SLC1A2: variants seen among roughly 807,000 people sequenced by gnomAD.
SLC1A2 encodes the protein excitatory amino acid transporter 2.
A neutral mutation model predicts 48.8 loss-of-function variants in SLC1A2; 15 were observed. That is an observed-to-expected ratio of 0.31 (90% CI 0.21 to 0.47). The LOEUF is 0.47. Among genes scored for constraint, SLC1A2 ranks in the 20% least tolerant of loss-of-function variants. The pLI is 0.99. For missense variants in SLC1A2, 502 were observed against 730.5 expected, an observed-to-expected ratio of 0.69 and a Z score of 3.61; for synonymous variants, 279 against 272.6, an observed-to-expected ratio of 1.02 and a Z score of -0.23.
At chr11:35,310,974 T>G (rs1468635716) in intron 4 of SLC1A2, among the ~76,000 whole-genome samples, 1 of 152,214 alleles carries the variant, frequency 6.6e-6, no homozygotes, top group Non-Finnish European at 1.5e-5. Context: ...CAAAACTCCT[T>G]GTCCTGACAA....
At chr11:35,337,119 T>C (rs546945469) in intron 1 of SLC1A2, among the ~76,000 whole-genome samples, 1 of 152,256 alleles carries the variant, frequency 6.6e-6, no homozygotes, top group South Asian at 2.1e-4. Context: ...AGCTGCTGGT[T>C]AACCAAAATC....
chr11:35,364,758 A>G (rs745353137), intron 1 of SLC1A2, among the ~76,000 whole-genome samples: 9 of 152,212 alleles, frequency 5.9e-5, no homozygotes, highest in Non-Finnish European at 1.3e-4. Context: ...TGCACTCAAT[A>G]CAAGTTAGCT....
chr11:35,252,988 A>T lies in SLC1A2; in HGVS notation c.*7906T>A, dbSNP rs896595846. 6.6e-6 allele frequency: 1 copy of T among 152,404 alleles called. No individual in the cohort carries two copies. Among genetic ancestry groups the T allele is most frequent in the African/African-American group, 2.4e-5 (1 of 41,468 alleles). 9.4% of individuals were successfully genotyped at this position (152,404 alleles called of 1,614,324 possible). On this transcript the variant is annotated 3_prime_UTR_variant, in exon 11 of 11. Coordinates refer to ENST00000278379, the MANE Select transcript of SLC1A2 (RefSeq NM_004171.4). ...TGTTTAATGAAGAGCAGGTTCAAATACATACCAATACACTTTCTATGTAAC... is the reference window on the plus strand; with the variant it reads ...TGTTTAATGAAGAGCAGGTTCAAATTCATACCAATACACTTTCTATGTAAC...
At chr11:35,387,006 G>A (rs1854603338) in intron 1 of SLC1A2, among the ~76,000 whole-genome samples, 1 of 152,014 alleles carries the variant, frequency 6.6e-6, no homozygotes, top group Admixed American at 6.6e-5. Context: ...CTAGAATCAA[G>A]CAATCCTCTT....
intron 1 of SLC1A2, among the ~76,000 whole-genome samples, chr11:35,396,765 T>C (rs1235427858): frequency 6.6e-6 from 1 of 152,220 alleles, no homozygotes; most frequent in Non-Finnish European, 1.5e-5. Flanking sequence ...GCCTATGTCC[T>C]GAATGGTAAA....
At chr11:35,270,144 A>G (rs1396893179) in intron 9 of SLC1A2, among the ~76,000 whole-genome samples, 2 of 152,198 alleles carry the variant, frequency 1.3e-5, no homozygotes, top group East Asian at 3.8e-4. Context: ...TGAATTTTTA[A>G]AAAACAATAA....
At chr11:35,419,705 T>C (rs1444364760), upstream of SLC1A2, 2 of 172,408 alleles carry the variant, frequency 1.2e-5, no homozygotes, top group Admixed American at 6.4e-5. This position sits in a 1 kb window ranked among gnomAD's most constrained non-coding sequence, Gnocchi z 5.4. Context: ...CGGGAAGGCT[T>C]GGGCAGCCGG....
At chr11:35,395,532 C>T (rs1462816304) in intron 1 of SLC1A2, among the ~76,000 whole-genome samples, 1 of 152,012 alleles carries the variant, frequency 6.6e-6, no homozygotes, top group Admixed American at 6.5e-5. Context: ...GTGACAAACA[C>T]AGGTAAAGCA....
chr11:35,356,262 C>T (rs1406757775), intron 1 of SLC1A2, among the ~76,000 whole-genome samples: 1 of 152,164 alleles, frequency 6.6e-6, no homozygotes, highest in African/African-American at 2.4e-5. Flanking sequence ...TATAATCGAC[C>T]CATACAATAT....
At chr11:35,316,309 C>G (rs1393573932) in intron 2 of SLC1A2, 2 of 152,186 alleles carry the variant, frequency 1.3e-5, no homozygotes, top group Non-Finnish European at 2.9e-5. Context: ...GATGGAGTTC[C>G]AGGAATGCAG....
intron 1 of SLC1A2, among the ~76,000 whole-genome samples, chr11:35,366,687 C>T (rs1404360333): frequency 2.6e-5 from 4 of 152,070 alleles, no homozygotes; most frequent in African/African-American, 7.2e-5. Flanking sequence ...AGTTTGAAGC[C>T]GTGTTGTAAA....
intron 1 of SLC1A2, among the ~76,000 whole-genome samples, chr11:35,338,207 G>A (rs115404351): frequency 0.026 from 3,884 of 152,238 alleles, 155 homozygotes; most frequent in African/African-American, 0.088. Context: ...TGCACTCCAA[G>A]AGCAGAGTTG....
intron 2 of SLC1A2, chr11:35,315,504 C>A (rs1481507806): frequency 2.5e-5 from 6 of 236,204 alleles, no homozygotes; most frequent in Non-Finnish European, 5.2e-5. Flanking sequence ...TAGAAATAAA[C>A]TATAAGGGGC....
chr11:35,418,737 C>T (rs1406732542), intron 1 of SLC1A2: 10 of 573,786 alleles, frequency 1.7e-5, no homozygotes, highest in Non-Finnish European at 2.5e-5. Context: ...AATAAAACAA[C>T]CCTCCACCTC....
intron 3 of SLC1A2, among the ~76,000 whole-genome samples, chr11:35,314,790 T>C (rs942110298): frequency 1.3e-5 from 2 of 150,456 alleles, no homozygotes; most frequent in African/African-American, 2.4e-5. Context: ...CTTTTCTTTT[T>C]TTTTTTTTCT....
chr11:35,376,493 T>C (rs1337832163), intron 1 of SLC1A2, among the ~76,000 whole-genome samples: 1 of 152,226 alleles, frequency 6.6e-6, no homozygotes, highest in Admixed American at 6.5e-5. Flanking sequence ...GTATTATTTT[T>C]CCAATTCTTC....
intron 1 of SLC1A2, among the ~76,000 whole-genome samples, chr11:35,377,549 A>G (rs1854281879): frequency 6.6e-6 from 1 of 152,216 alleles, no homozygotes. Context: ...CCAGCACCAG[A>G]GAGCTAAGTG....
chr11:35,291,993 A>G (rs1851024058), intron 7 of SLC1A2: 1 of 346,056 alleles, frequency 2.9e-6, no homozygotes, highest in African/African-American at 2.1e-5. Flanking sequence ...AAACTAAACT[A>G]ATGATTTAAG....
chr11:35,363,686 T>A (rs948352674), intron 1 of SLC1A2, among the ~76,000 whole-genome samples: 1 of 152,168 alleles, frequency 6.6e-6, no homozygotes, highest in Non-Finnish European at 1.5e-5. Context: ...ATCTTCTTGA[T>A]GAGGCAAAGA....
Sources: gnomAD v4.1 joint callset for allele counts (sites outside exome capture counted in the v4.1 genomes callset) on GRCh38, gnomAD v4.1.1 for gene constraint, Gnocchi (gnomAD v3.1) non-coding constraint, MANE v1.5 for transcripts, NCBI Gene and HGNC (gene_info 2026-07-23, HGNC 2026-07-21) for gene names.